F13A1: variants seen among roughly 807,000 people sequenced by gnomAD.
F13A1 encodes the protein coagulation factor XIII A chain.
Under a neutral mutation model 80.1 loss-of-function variants are expected in F13A1, and 47 were observed. The ratio of observed to expected loss-of-function variants is 0.59; its 90% CI spans 0.46 to 0.75. F13A1 has a LOEUF of 0.75. Among genes scored for constraint, F13A1 ranks in the 30% least tolerant of loss-of-function variants. The pLI is 0.00. For synonymous variants in F13A1, 349 were observed against 344.9 expected (o/e 1.01, Z -0.13); for missense variants, 817 against 930.4 (o/e 0.88, Z 1.59).
intron 2 of F13A1, among the ~76,000 whole-genome samples, chr6:6,310,348 C>A (rs1451271694): frequency 1.3e-5 from 2 of 152,110 alleles, no homozygotes; most frequent in African/African-American, 4.8e-5. Context: ...CTGCATTTTT[C>A]AGAATATGTT....
At chr6:6,240,173 G>T (rs1250658338) in intron 6 of F13A1, among the ~76,000 whole-genome samples, 1 of 152,096 alleles carries the variant, frequency 6.6e-6, no homozygotes, top group Non-Finnish European at 1.5e-5. Flanking sequence ...CATTTAGATT[G>T]CCCATGATTA....
intron 13 of F13A1, among the ~76,000 whole-genome samples, chr6:6,158,519 T>A (rs924922455): frequency 2.6e-5 from 4 of 152,124 alleles, no homozygotes; most frequent in Non-Finnish European, 4.4e-5. Context: ...GAGAATGACG[T>A]GGATTCGGTT....
chr6:6,309,889 C>A (rs940587576), intron 2 of F13A1, among the ~76,000 whole-genome samples: 1 of 152,148 alleles, frequency 6.6e-6, no homozygotes, highest in Admixed American at 6.5e-5. Context: ...TCCCTCCCTG[C>A]ATGATAATGT....
chr6:6,168,390 G>A (rs1367307961), intron 12 of F13A1, among the ~76,000 whole-genome samples: 1 of 151,450 alleles, frequency 6.6e-6, no homozygotes, highest in Non-Finnish European at 1.5e-5. Context: ...TCTATCTTGT[G>A]GCTCTGGCTC....
intron 3 of F13A1, among the ~76,000 whole-genome samples, chr6:6,301,398 A>C (rs1220285002): frequency 1.3e-5 from 2 of 152,204 alleles, no homozygotes; most frequent in Non-Finnish European, 2.9e-5. Context: ...TTGTATCTAC[A>C]ACAGGTTGGG....
At chr6:6,285,166 T>C (rs924485156) in intron 3 of F13A1, among the ~76,000 whole-genome samples, 4 of 152,156 alleles carry the variant, frequency 2.6e-5, no homozygotes, top group African/African-American at 9.7e-5. Flanking sequence ...AGAGAATCAC[T>C]TGAACCTGGG....
chr6:6,275,270 T>C (rs928099775), intron 3 of F13A1, among the ~76,000 whole-genome samples: 7 of 152,166 alleles, frequency 4.6e-5, no homozygotes, highest in South Asian at 2.1e-4. Context: ...TGGCATTAAG[T>C]AGGGGGGCAG....
chr6:6,259,770 G>A (rs1180969863), intron 4 of F13A1, among the ~76,000 whole-genome samples: 1 of 152,142 alleles, frequency 6.6e-6, no homozygotes, highest in Non-Finnish European at 1.5e-5. Flanking sequence ...GGTCGAATGA[G>A]GTGAGGGAAA....
chr6:6,241,626 G>T (rs758795769), intron 6 of F13A1, among the ~76,000 whole-genome samples: 1 of 152,000 alleles, frequency 6.6e-6, no homozygotes, highest in African/African-American at 2.4e-5. Flanking sequence ...ATCTACGACC[G>T]TTCACTCCAA....
At chr6:6,199,261 G>T (rs58408302) in intron 8 of F13A1, among the ~76,000 whole-genome samples, 1 of 152,018 alleles carries the variant, frequency 6.6e-6, no homozygotes, top group Non-Finnish European at 1.5e-5. Context: ...AGGCCGAGGC[G>T]GGCAGATCAC....
At position 6,151,852 on chromosome 6, in the gene F13A1, T is replaced by C. The variant is rs375129902; in HGVS notation, c.2006A>G (p.Asp669Gly). The C allele has an allele frequency of 5.5e-5, 89 of 1,613,986 alleles. No homozygotes were observed. Among genetic ancestry groups the C allele is most frequent in the Middle Eastern group, 1.6e-4 (1 of 6,084 alleles). Residue 669 changes from aspartate (D) to glycine (G), a missense_variant, in exon 14 of 15, where the codon GAT becomes GGT. Physicochemically the swap from Asp to Gly is moderately conservative, Grantham distance 94. Coordinates refer to ENST00000264870, the MANE Select transcript of F13A1 (RefSeq NM_000129.4). ...CATTGGTCTTGTTACTCCAGGACCA[T>C]CCAGGTGTACCCAGACATTTCGCAG... ...ETLRNVWVHL[D>G]GPGVTRPMKK...
At chr6:6,228,793 C>T (rs6906048) in intron 6 of F13A1, among the ~76,000 whole-genome samples, 4,074 of 149,010 alleles carry the variant, frequency 0.027, 200 homozygotes, top group African/African-American at 0.095. Flanking sequence ...GGTGGAAACA[C>T]CTGCTGTGGA....
chr6:6,182,267 G>T, intron 10 of F13A1, 126 bp from the exon 11 acceptor site: 1 of 1,002,222 alleles, frequency 1.0e-6, no homozygotes, highest in Non-Finnish European at 1.5e-6. Context: ...CAACAACATT[G>T]GATTCGTATC....
intron 3 of F13A1, among the ~76,000 whole-genome samples, chr6:6,296,324 A>C (rs1035079333): frequency 2.0e-5 from 3 of 150,072 alleles, no homozygotes; most frequent in African/African-American, 7.4e-5. Context: ...TGAATCTGTA[A>C]ATTACCTTGG....
At chr6:6,233,742 A>T (rs773457429) in intron 6 of F13A1, among the ~76,000 whole-genome samples, 34 of 152,150 alleles carry the variant, frequency 2.2e-4, no homozygotes, top group Admixed American at 2.0e-3. Flanking sequence ...TCAAAAAGAT[A>T]ATCCGCCATG....
At chr6:6,211,156 A>C (rs1376134390) in intron 8 of F13A1, among the ~76,000 whole-genome samples, 1 of 152,254 alleles carries the variant, frequency 6.6e-6, no homozygotes, top group African/African-American at 2.4e-5. Context: ...TAATTACCTT[A>C]ACATGCTGTT....
intron 3 of F13A1, among the ~76,000 whole-genome samples, chr6:6,276,649 T>C (rs904532714): frequency 1.4e-5 from 2 of 141,212 alleles, no homozygotes; most frequent in African/African-American, 5.6e-5. Context: ...GAACAATCAT[T>C]TGAACCCAGG....
At chr6:6,213,078 G>C (rs1186739764) in intron 8 of F13A1, among the ~76,000 whole-genome samples, 1 of 152,330 alleles carries the variant, frequency 6.6e-6, no homozygotes, top group East Asian at 1.9e-4. Flanking sequence ...GTGACGGGGA[G>C]AATGGAACCA....
intron 3 of F13A1, among the ~76,000 whole-genome samples, chr6:6,296,351 C>G (rs1186426794): frequency 6.8e-6 from 1 of 148,132 alleles, no homozygotes; most frequent in Non-Finnish European, 1.5e-5. Context: ...TGGCCATTTT[C>G]ACGATATTGA....
Sources: gnomAD v4.1 joint callset for allele counts (sites outside exome capture counted in the v4.1 genomes callset) on GRCh38, gnomAD v4.1.1 for gene constraint, MANE v1.5 for transcripts, NCBI Gene and HGNC (gene_info 2026-07-23, HGNC 2026-07-21) for gene names.